Variants in MYO10 observed in about 807,000 individuals in gnomAD.
The protein encoded by MYO10 is myosin X, also known as unconventional myosin-X.
In MYO10, 133 loss-of-function variants were observed where a neutral mutation model predicts 257.3. The ratio of observed to expected loss-of-function variants is 0.52; its 90% confidence interval spans 0.45 to 0.60. MYO10 has a LOEUF of 0.60. Among genes scored for constraint, MYO10 ranks in the 20% least tolerant of loss-of-function variants. MYO10 has a pLI of 0.00. For synonymous variants in MYO10, 1,104 were observed against 1,028.6 expected (o/e 1.07, Z -1.40); for missense variants, 2,399 against 2,635.7 (o/e 0.91, Z 1.97).
At chr5:16,699,668 A>C in intron 25 of MYO10, 95 bp from the exon 26 acceptor site, 1 of 1,530,876 alleles carries the variant, frequency 6.5e-7, no homozygotes, top group Non-Finnish European at 8.9e-7. Flanking sequence ...AAATACAAAA[A>C]TACAGCTACT....
chr5:16,764,433 C>G (rs761731476), intron 11 of MYO10, 37 bp from the exon 12 acceptor site: 3 of 1,609,384 alleles, frequency 1.9e-6, no homozygotes, highest in Non-Finnish European at 2.5e-6. Flanking sequence ...CAGCTGACCC[C>G]GGGCACCCCA....
intron 2 of MYO10, among the ~76,000 whole-genome samples, chr5:16,868,431 C>T (rs1175592685): frequency 2.0e-5 from 3 of 152,052 alleles, no homozygotes; most frequent in Non-Finnish European, 4.4e-5. Flanking sequence ...GGTGAAACCC[C>T]GCCTCTACTA....
At chr5:16,832,272 C>T (rs1363341328) in intron 2 of MYO10, among the ~76,000 whole-genome samples, 1 of 152,170 alleles carries the variant, frequency 6.6e-6, no homozygotes, top group African/African-American at 2.4e-5. Context: ...TTCTATGACT[C>T]TTTCCCTGTT....
At chr5:16,771,937 A>G (rs1360559171) in intron 9 of MYO10, among the ~76,000 whole-genome samples, 1 of 152,060 alleles carries the variant, frequency 6.6e-6, no homozygotes, top group African/African-American at 2.4e-5. Flanking sequence ...TTATAAAGAC[A>G]TAAAAAAGAA....
intron 19 of MYO10, among the ~76,000 whole-genome samples, chr5:16,713,657 C>G (rs1421753693): frequency 6.6e-6 from 1 of 152,112 alleles, no homozygotes; most frequent in African/African-American, 2.4e-5. Context: ...GATCTATAGG[C>G]TGATTGTCGC....
intron 1 of MYO10, among the ~76,000 whole-genome samples, chr5:16,921,357 A>AG: frequency 6.6e-6 from 1 of 152,212 alleles, no homozygotes; most frequent in Admixed American, 6.5e-5. Flanking sequence ...AAAAGCACTT[A>AG]GGGGGTGAGG....
intron 4 of MYO10, among the ~76,000 whole-genome samples, chr5:16,784,459 C>G (rs1444344960): frequency 6.6e-6 from 1 of 152,160 alleles, no homozygotes; most frequent in Non-Finnish European, 1.5e-5. Context: ...GGCCAGGTCC[C>G]AAACACAGTT....
At chr5:16,934,757 C>A (rs1304625449) in intron 1 of MYO10, among the ~76,000 whole-genome samples, 3 of 152,176 alleles carry the variant, frequency 2.0e-5, no homozygotes, top group Non-Finnish European at 4.4e-5. Context: ...AGAATACAGT[C>A]AGTGAGCATG....
intron 2 of MYO10, among the ~76,000 whole-genome samples, chr5:16,836,340 T>C (rs1743312249): frequency 6.6e-6 from 1 of 152,216 alleles, no homozygotes; most frequent in Non-Finnish European, 1.5e-5. Context: ...CCTCCTCCAC[T>C]GTTACAGACA....
intron 21 of MYO10, among the ~76,000 whole-genome samples, chr5:16,707,437 G>A (rs1738397249): frequency 6.6e-6 from 1 of 152,180 alleles, no homozygotes; most frequent in Non-Finnish European, 1.5e-5. Flanking sequence ...GCGCTGCTTG[G>A]CTGAACTTGA....
chr5:16,793,484 T>C (rs10037139), intron 4 of MYO10, among the ~76,000 whole-genome samples: 46,874 of 151,926 alleles, frequency 0.31, 8,251 homozygotes, highest in Non-Finnish European at 0.4. Context: ...CCACCGCGCC[T>C]GGCTGATTTT....
Position 16,758,174 on chromosome 5 carries a change from C to A in MYO10, c.1792G>T (p.Asp598Tyr), listed in dbSNP as rs1371526122. Reference protein sequence around the residue: ...FEHVSSRNNQDTLKCGSKHRR... With the variant: ...FEHVSSRNNQYTLKCGSKHRR... ...TGTTTGCTTCCACATTTCAAGGTAT[C>A]CTGGTTGTTGCGGCTTGAAACATGT... The change falls in exon 18 of 41, where the codon GAT becomes TAT. Residue 598 changes from aspartate to tyrosine, a missense_variant. Asp to Tyr is a radical substitution (Grantham distance 160, BLOSUM62 -3). Around this residue, in one of 3 missense-constraint regions of MYO10, gnomAD observed 1,820 missense variants for 1,939.4 expected, o/e 0.94. Coordinates refer to ENST00000513610, the MANE Select transcript of MYO10 (RefSeq NM_012334.3). 2 of 1,613,798 alleles carry A rather than the reference C, an allele frequency of 1.2e-6. No homozygotes were observed. The highest frequency in any genetic ancestry group is 2.7e-5 in the African/African-American group (2 of 75,022).
At chr5:16,905,229 C>T (rs1307686903) in intron 1 of MYO10, among the ~76,000 whole-genome samples, 3 of 152,170 alleles carry the variant, frequency 2.0e-5, no homozygotes, top group African/African-American at 7.2e-5. Flanking sequence ...AAGGAAAGCA[C>T]CTCCAAGAAT....
intron 17 of MYO10, among the ~76,000 whole-genome samples, chr5:16,759,453 T>A (rs931181969): frequency 1.3e-5 from 2 of 152,166 alleles, no homozygotes; most frequent in African/African-American, 2.4e-5. Flanking sequence ...GTTCTCTAAC[T>A]GTGCTTTGAG....
At chr5:16,836,322 G>C (rs1189737848) in intron 2 of MYO10, among the ~76,000 whole-genome samples, 2 of 152,178 alleles carry the variant, frequency 1.3e-5, no homozygotes, top group African/African-American at 2.4e-5. Context: ...TCATATGAGA[G>C]AACAGCTCCT....
chr5:16,798,615 G>A (rs1390698870), intron 3 of MYO10, among the ~76,000 whole-genome samples: 1 of 152,214 alleles, frequency 6.6e-6, no homozygotes, highest in African/African-American at 2.4e-5. Flanking sequence ...ACTTGAGGCT[G>A]TGAGTGCCTG....
At chr5:16,763,623 A>T (rs756099552) in intron 13 of MYO10, 32 bp downstream of exon 13, 74 of 1,589,616 alleles carry the variant, frequency 4.7e-5, no homozygotes, top group Admixed American at 4.0e-4. Flanking sequence ...CTTTAAAAAA[A>T]AAAATTGAAA....
intron 2 of MYO10, among the ~76,000 whole-genome samples, chr5:16,824,372 G>C (rs896217307): frequency 6.6e-5 from 10 of 152,008 alleles, no homozygotes; most frequent in Non-Finnish European, 1.2e-4. Context: ...TTGGGGGAGA[G>C]GAGAAGGGTG....
At chr5:16,912,633 G>A (rs576978147) in intron 1 of MYO10, among the ~76,000 whole-genome samples, 1 of 152,168 alleles carries the variant, frequency 6.6e-6, no homozygotes, top group African/African-American at 2.4e-5. Context: ...AAATGAGTAT[G>A]TTTTTAGGCC....
Sources: allele counts gnomAD v4.1 joint callset (sites outside exome capture counted in the v4.1 genomes callset), GRCh38; gene constraint gnomAD v4.1.1; regional missense constraint gnomAD v4.1.1; transcripts MANE v1.5; gene names NCBI Gene and HGNC (gene_info 2026-07-23, HGNC 2026-07-21).